TXNDC16: variants seen among roughly 807,000 people sequenced by gnomAD.
The protein encoded by TXNDC16 is thioredoxin domain-containing protein 16.
In TXNDC16, 74 loss-of-function variants were observed where a neutral mutation model predicts 85.6. That is an observed-to-expected ratio of 0.86 (90% CI 0.72 to 1.05). The LOEUF is 1.05. Ranked by LOEUF, TXNDC16 falls within the 50% of genes least tolerant of loss-of-function variation. TXNDC16 has a pLI of 0.00. For synonymous variants in TXNDC16, 335 were observed against 326.5 expected, an observed-to-expected ratio of 1.03 and a Z score of -0.28; for missense variants, 959 against 947.0, an observed-to-expected ratio of 1.01 and a Z score of -0.17.
chr14:52,468,198 T>C (rs2035820306), intron 16 of TXNDC16, among the ~76,000 whole-genome samples: 1 of 152,216 alleles, frequency 6.6e-6, no homozygotes, highest in Non-Finnish European at 1.5e-5. Flanking sequence ...ATATACTTAA[T>C]ACTTGTAAAA....
In TXNDC16 at chr14:52,507,397, G is replaced by A. The variant is rs951112326; in HGVS notation, c.756+3843C>T. 2.4e-4 allele frequency among the ~76,000 whole-genome samples: 36 copies of A among 151,914 alleles called. 1 individual carries two copies. The highest frequency in any genetic ancestry group is 8.2e-4 in the African/African-American group (34 of 41,384). The stretch of plus-strand genomic sequence containing the variant: ...TCTTCAAGGAGAACTACAAACCACT[G>A]CTCAGTGAAATAAAAGAGGATACAA... On this transcript the variant is annotated intron_variant, in intron 9 of 20. Transcript: ENST00000281741.
intron 20 of TXNDC16, among the ~76,000 whole-genome samples, chr14:52,435,152 A>G (rs914466489): frequency 6.6e-6 from 1 of 151,782 alleles, no homozygotes; most frequent in Non-Finnish European, 1.5e-5. Flanking sequence ...AACTCATTTT[A>G]TAGTTGTAGA....
rs145315104 is a variant in TXNDC16 at position 52,470,148 on chromosome 14, T to C, written c.1507A>G (p.Ile503Val). The C allele has an allele frequency of 1.2e-6, 2 of 1,606,278 alleles. No individual in the cohort carries two copies. Among genetic ancestry groups the C allele is most frequent in the African/African-American group, 1.3e-5 (1 of 74,816 alleles). Reference sequence around the variant, plus strand: ...TCTTCTGCTTCTTGGATCGATGTTATATTCACTGGATATGAAATCCTGTTG... The same window carrying C: ...TCTTCTGCTTCTTGGATCGATGTTACATTCACTGGATATGAAATCCTGTTG... ...QLNRISYPVN[I>V]TSIQEAEEYL... Residue 503 changes from isoleucine (I) to valine (V), a missense_variant, in exon 16 of 21, where the codon ATA becomes GTA. Ile to Val is a conservative substitution (Grantham distance 29). Transcript: ENST00000281741.
chr14:52,486,281 CT>C (rs35703912), intron 12 of TXNDC16, among the ~76,000 whole-genome samples: 2,546 of 114,368 alleles, frequency 0.022, 27 homozygotes, highest in African/African-American at 0.066. Flanking sequence ...ACACATGCTG[CT>C]TTTTTTTTTT....
intron 9 of TXNDC16, among the ~76,000 whole-genome samples, chr14:52,499,200 A>G (rs2036600264): frequency 6.6e-6 from 1 of 152,136 alleles, no homozygotes; most frequent in Middle Eastern, 3.2e-3. Context: ...TAAACATAAG[A>G]CCTGAAAGTA....
intron 6 of TXNDC16, among the ~76,000 whole-genome samples, chr14:52,520,567 G>A (rs1258841994): frequency 6.6e-6 from 1 of 152,030 alleles, no homozygotes; most frequent in Non-Finnish European, 1.5e-5. Flanking sequence ...CTGAGATCAC[G>A]CCACTGCACT....
chr14:52,473,200 T>C (rs2035948144), intron 14 of TXNDC16, among the ~76,000 whole-genome samples: 1 of 152,100 alleles, frequency 6.6e-6, no homozygotes, highest in Non-Finnish European at 1.5e-5. Flanking sequence ...CTGTTTCTCT[T>C]TCTCTCCTCT....
At chr14:52,540,172 T>C (rs931295090) in intron 4 of TXNDC16, among the ~76,000 whole-genome samples, 2 of 152,216 alleles carry the variant, frequency 1.3e-5, no homozygotes, top group African/African-American at 2.4e-5. Flanking sequence ...ACATTCATTG[T>C]CTTGACTAGA....
intron 9 of TXNDC16, among the ~76,000 whole-genome samples, chr14:52,496,459 G>A (rs1201045002): frequency 6.7e-6 from 1 of 148,828 alleles, no homozygotes; most frequent in African/African-American, 2.5e-5. Context: ...TTGCAGCTGA[G>A]TAGATTTCTT....
chr14:52,472,536 C>A (rs546438581), intron 14 of TXNDC16, among the ~76,000 whole-genome samples: 29 of 152,270 alleles, frequency 1.9e-4, no homozygotes, highest in Admixed American at 4.6e-4. Context: ...CTGCCTTGCA[C>A]AATGTCTGTT....
At chr14:52,455,950 T>C (rs879810896) in intron 17 of TXNDC16, among the ~76,000 whole-genome samples, 1 of 152,168 alleles carries the variant, frequency 6.6e-6, no homozygotes, top group Non-Finnish European at 1.5e-5. Flanking sequence ...GAGTGATAAA[T>C]GGCAGACACA....
intron 6 of TXNDC16, among the ~76,000 whole-genome samples, chr14:52,521,672 A>G (rs1024349739): frequency 6.6e-6 from 1 of 152,264 alleles, no homozygotes; most frequent in Non-Finnish European, 1.5e-5. Context: ...CATTCATTAC[A>G]GATTTCTTCC....
In TXNDC16 at chr14:52,457,275, TA is replaced by T. The variant is rs1390259423; in HGVS notation, c.1619-102del. On this transcript the variant is annotated intron_variant, in intron 16 of 20. Transcript: ENST00000281741. ...TAGGTGGTAGTATTTCATTATTAAT[TA>T]ATTACAAAAATATTTAAGTGCAGAT... is the stretch of plus-strand genomic sequence containing the variant. The T allele has an allele frequency of 1.5e-5, 9 of 600,410 alleles. No individual in the cohort carries two copies. In the African/African-American group the frequency reaches 1.6e-4, roughly 11 times the overall value. 37.2% of individuals were successfully genotyped at this position (600,410 alleles called of 1,614,324 possible). A position where few individuals can be genotyped will look rare whatever the true frequency, so the allele number is the denominator to read the frequency against.
At chr14:52,518,918 T>C (rs1205177077) in intron 7 of TXNDC16, among the ~76,000 whole-genome samples, 1 of 152,100 alleles carries the variant, frequency 6.6e-6, no homozygotes, top group East Asian at 1.9e-4. Flanking sequence ...TCTTAATCAC[T>C]AGGAAACTGA....
chr14:52,543,771 G>A, intron 2 of TXNDC16, 141 bp from the exon 3 acceptor site: 1 of 486,430 alleles, frequency 2.1e-6, no homozygotes, highest in East Asian at 4.1e-5. Context: ...AAATTTGAGG[G>A]GGGACAATAT....
At chr14:52,482,704 A>T in intron 13 of TXNDC16, 118 bp downstream of exon 13, 1 of 806,086 alleles carries the variant, frequency 1.2e-6, no homozygotes, top group Non-Finnish European at 1.9e-6. Flanking sequence ...CACACAGTCT[A>T]CTTGAGACAT....
chr14:52,462,047 TTTG>T (rs370560019), intron 16 of TXNDC16, among the ~76,000 whole-genome samples: 1 of 152,260 alleles, frequency 6.6e-6, no homozygotes. Context: ...TTTATTTTAC[TTTG>T]TTAACAACTT....
chr14:52,435,410 A>G (rs2035003526), intron 20 of TXNDC16, among the ~76,000 whole-genome samples: 1 of 152,208 alleles, frequency 6.6e-6, no homozygotes, highest in South Asian at 2.1e-4. Context: ...CAGACAGTTA[A>G]GTGAACATAG....
At chr14:52,495,521 C>T (rs1037263148) in intron 9 of TXNDC16, among the ~76,000 whole-genome samples, 3 of 152,182 alleles carry the variant, frequency 2.0e-5, no homozygotes, top group African/African-American at 7.2e-5. Flanking sequence ...AGAAGTCAGA[C>T]TCCACCATCC....
Sources: allele counts gnomAD v4.1 joint callset (sites outside exome capture counted in the v4.1 genomes callset), GRCh38; gene constraint gnomAD v4.1.1; transcripts MANE v1.5; gene names NCBI Gene and HGNC (gene_info 2026-07-23, HGNC 2026-07-21).